Variants in CFAP221 observed in about 807,000 individuals in gnomAD.
CFAP221 encodes the protein cilia and flagella associated protein 221.
Under a neutral mutation model 113.1 loss-of-function variants are expected in CFAP221, and 97 were observed. The observed-to-expected ratio is 0.86, with a 90% CI of 0.73 to 1.02. The LOEUF is 1.02. Ranked by LOEUF, CFAP221 falls within the 50% of genes least tolerant of loss-of-function variation. The pLI is 0.00. For missense variants in CFAP221, 1,025 were observed against 1,013.4 expected, an observed-to-expected ratio of 1.01 and a Z score of -0.16; for synonymous variants, 331 against 354.4, an observed-to-expected ratio of 0.93 and a Z score of 0.74.
rs370357896 is a variant in CFAP221, at chr2:119,630,567, C to G, written c.1732-3C>G. On this transcript the variant is annotated splice_polypyrimidine_tract_variant and splice_region_variant and intron_variant, in intron 17 of 23. Transcript: ENST00000413369. The stretch of plus-strand genomic sequence containing the variant: ...AGGATTTTCAATCTTCTTTCACCTT[C>G]AGGTTCCTCAACTGTACAAAATTAA... 1 of 1,592,790 alleles carries G rather than the reference C, an allele frequency of 6.3e-7. No homozygotes were observed. The highest frequency in any genetic ancestry group is 1.7e-5 in the Admixed American group (1 of 59,792).
chr2:119,630,868 C>T lies in CFAP221; in HGVS notation c.1941C>T (p.Ala647=). ...VLSMKPPEAL[A]MSLDYDPLYV... is the part of the protein sequence containing the mutation. ...GCATGAAACCACCTGAGGCCTTAGC[C>T]ATGTCTCTAGATTATGATCCTCTGT... Residue 647 remains alanine (A), a synonymous_variant, in exon 19 of 24, where the codon GCC becomes GCT. Transcript: ENST00000413369. 6.2e-7 allele frequency: 1 copy of T among 1,613,642 alleles called. No homozygotes were observed. The highest frequency in any genetic ancestry group is 1.3e-5 in the African/African-American group (1 of 75,054).
chr2:119,599,347 G>A (rs1684209929), intron 7 of CFAP221, among the ~76,000 whole-genome samples: 1 of 152,194 alleles, frequency 6.6e-6, no homozygotes, highest in African/African-American at 2.4e-5. Flanking sequence ...CCTGTGGAGG[G>A]AGAGGCATAG....
At chr2:119,620,858 C>T (rs977242392) in intron 14 of CFAP221, among the ~76,000 whole-genome samples, 4 of 151,676 alleles carry the variant, frequency 2.6e-5, no homozygotes, top group African/African-American at 9.7e-5. Flanking sequence ...ATCTCACATG[C>T]AGAGACACAC....
intron 6 of CFAP221, among the ~76,000 whole-genome samples, chr2:119,565,736 TTCATACCCTTAACG>T (rs895701510): frequency 1.1e-4 from 17 of 152,244 alleles, no homozygotes; most frequent in African/African-American, 3.9e-4. Context: ...CTTCCAAGAC[TTCATACCCTTAACG>T]TAATGGCTTA....
At position 119,656,524 on chromosome 2, in the gene CFAP221, C is replaced by CA; in HGVS notation, c.*54_*55insA. On this transcript the variant is annotated 3_prime_UTR_variant, in exon 24 of 24. Transcript: ENST00000413369. Reference sequence around the variant, plus strand: ...TTGCTTTCCGTGGGCCACTGTGGCCCCTTGCGTCCATTTACATGCCAGCCA... The same window carrying CA: ...TTGCTTTCCGTGGGCCACTGTGGCCCACTTGCGTCCATTTACATGCCAGCCA... 1 of 1,276,900 alleles carries CA rather than the reference C, an allele frequency of 7.8e-7. No homozygotes were observed. Among genetic ancestry groups the CA allele is most frequent in the Non-Finnish European group, 1.1e-6 (1 of 886,404 alleles). The allele number at this position is 1,276,900 out of a possible 1,614,324, so 79.1% of individuals were successfully genotyped here. A position where few individuals can be genotyped will look rare whatever the true frequency, so the allele number is the denominator to read the frequency against.
chr2:119,633,800 T>G (rs1391733192), intron 19 of CFAP221, among the ~76,000 whole-genome samples: 1 of 152,112 alleles, frequency 6.6e-6, no homozygotes, highest in Non-Finnish European at 1.5e-5. Flanking sequence ...AAGAAGGCTA[T>G]TATCAAAAAA....
At position 119,552,397 on chromosome 2, in the gene CFAP221, A is replaced by G. The variant is rs1258088113; in HGVS notation, c.240+3212A>G. ...TCTTTAATAAGAAATAAATAGAAATATTTCTTTCTTTAATAAGAAATAAAT... is the reference window on the plus strand; with the variant it reads ...TCTTTAATAAGAAATAAATAGAAATGTTTCTTTCTTTAATAAGAAATAAAT... On this transcript the variant is annotated intron_variant, in intron 3 of 23. Transcript: ENST00000413369. 5.2e-3 allele frequency among the ~76,000 whole-genome samples: 154 copies of G among 29,584 alleles called. 7 individuals carry two copies. The highest frequency in any genetic ancestry group is 0.02 in the East Asian group (19 of 948). 19.4% of individuals were successfully genotyped at this position (29,584 alleles called of 152,430 possible). A position where few individuals can be genotyped will look rare whatever the true frequency, so the allele number is the denominator to read the frequency against.
intron 3 of CFAP221, among the ~76,000 whole-genome samples, chr2:119,556,556 CT>C (rs1199595376): frequency 1.7e-3 from 237 of 138,384 alleles, no homozygotes; most frequent in Middle Eastern, 3.6e-3. Context: ...AATTTTTTTT[CT>C]TTTTTTTTTT....
At chr2:119,603,893 C>T (rs1367438706) in intron 8 of CFAP221, among the ~76,000 whole-genome samples, 4 of 152,126 alleles carry the variant, frequency 2.6e-5, no homozygotes, top group South Asian at 2.1e-4. Context: ...ATAGCTTCTG[C>T]GGGCTATTAG....
At chr2:119,601,501 C>A in intron 8 of CFAP221, 124 bp downstream of exon 8, 3 of 901,878 alleles carry the variant, frequency 3.3e-6, no homozygotes, top group South Asian at 2.2e-5. Flanking sequence ...AAATGATGAG[C>A]CAACATAAGA....
In CFAP221 at chr2:119,627,778, A is replaced by G; in HGVS notation, c.1642A>G (p.Asn548Asp). 6.2e-7 allele frequency: 1 copy of G among 1,613,656 alleles called. No individual in the cohort carries two copies. The highest frequency in any genetic ancestry group is 8.5e-7 in the Non-Finnish European group (1 of 1,179,812). The change falls in exon 16 of 24, where the codon AAC becomes GAC. Residue 548 changes from asparagine to aspartate, a missense_variant. By Grantham distance (23) the Asn-to-Asp change is conservative. Transcript: ENST00000413369. ...AGACTGCAGCCCACCCCAGGACTCC[A>G]ACGAGTTGGTAGGTGCCGTCAGGCT... ...FPDCSPPQDS[N>D]ELAPDGLGLV...
chr2:119,596,640 G>A (rs1220144380), intron 7 of CFAP221, among the ~76,000 whole-genome samples: 1 of 152,186 alleles, frequency 6.6e-6, no homozygotes. Flanking sequence ...CTTATTTCGA[G>A]TTCCAGTCAA....
chr2:119,627,954 T>C (rs2104754581), intron 16 of CFAP221, among the ~76,000 whole-genome samples, 168 bp downstream of exon 16: 1 of 152,300 alleles, frequency 6.6e-6, no homozygotes, highest in South Asian at 2.1e-4. Context: ...TCTCCTGCCA[T>C]CTGCCTTGCT....
intron 6 of CFAP221, 112 bp from the exon 7 acceptor site, chr2:119,587,007 A>G: frequency 1.4e-6 from 1 of 708,902 alleles, no homozygotes; most frequent in Non-Finnish European, 2.2e-6. Flanking sequence ...CCAGATCAGC[A>G]TTGGCAGTCA....
intron 22 of CFAP221, chr2:119,648,699 G>T (rs112401747): frequency 6.5e-6 from 1 of 154,814 alleles, no homozygotes; most frequent in East Asian, 1.9e-4. Context: ...TCACCAGAGC[G>T]TTTTTAGAGT....
chr2:119,622,862 C>T (rs1010906179), intron 14 of CFAP221, among the ~76,000 whole-genome samples: 28 of 152,132 alleles, frequency 1.8e-4, no homozygotes, highest in Non-Finnish European at 2.9e-4. Context: ...ATTGATGGAA[C>T]GTATCTCAAA....
At position 119,604,922 on chromosome 2, in the gene CFAP221, C is replaced by A; in HGVS notation, c.959C>A (p.Pro320Gln). Residue 320 changes from proline (P) to glutamine (Q), a missense_variant, in exon 10 of 24, where the codon CCA (proline) becomes CAA (glutamine). Coordinates refer to ENST00000413369, the MANE Select transcript of CFAP221 (RefSeq NM_001271049.2). ...AGATTTCCAGTAGATTTATCGAATC[C>A]ATTTGCTGTGGCAACTGTTTTAAAC... is the stretch of plus-strand genomic sequence containing the variant. ...NLRFPVDLSNPFAVATVLNQE... is the reference protein window; with the variant it reads ...NLRFPVDLSNQFAVATVLNQE... 6.2e-7 allele frequency: 1 copy of A among 1,614,038 alleles called. No individual in the cohort carries two copies. Among genetic ancestry groups the A allele is most frequent in the Non-Finnish European group, 8.5e-7 (1 of 1,180,010 alleles).
At position 119,611,683 on chromosome 2, in the gene CFAP221, G is replaced by A. The variant is rs201217508; in HGVS notation, c.1252G>A (p.Glu418Lys). ...LDRGDPILDE[E>K]FQRLKTEVSH... Reference sequence around the variant, plus strand: ...CAGAGGAGATCCTATTTTGGATGAGGAATTTCAGCGACTTAAAACAGAAGT... The same window carrying A: ...CAGAGGAGATCCTATTTTGGATGAGAAATTTCAGCGACTTAAAACAGAAGT... Residue 418 changes from glutamate (E) to lysine (K), a missense_variant, in exon 13 of 24, where the codon GAA (glutamate) becomes AAA (lysine). By Grantham distance (56) the Glu-to-Lys change is moderately conservative. Coordinates refer to ENST00000413369, the MANE Select transcript of CFAP221 (RefSeq NM_001271049.2). 2 of 1,613,808 alleles carry A rather than the reference G, an allele frequency of 1.2e-6. No individual in the cohort carries two copies. Among genetic ancestry groups the A allele is most frequent in the East Asian group, 4.5e-5 (2 of 44,858 alleles).
chr2:119,575,277 G>C (rs1352909827), intron 6 of CFAP221, among the ~76,000 whole-genome samples: 2 of 151,902 alleles, frequency 1.3e-5, no homozygotes, highest in African/African-American at 4.8e-5. Flanking sequence ...TCCTCCCCTC[G>C]ACCATGGCTT....
Sources: gnomAD v4.1 joint callset for allele counts (sites outside exome capture counted in the v4.1 genomes callset) on GRCh38, gnomAD v4.1.1 for gene constraint, MANE v1.5 for transcripts, NCBI Gene and HGNC (gene_info 2026-07-23, HGNC 2026-07-21) for gene names.